Variants in TBC1D22B observed in about 807,000 individuals in gnomAD.
TBC1D22B encodes chromosome 6 open reading frame 197.
Under a neutral mutation model 69.1 loss-of-function variants are expected in TBC1D22B, and 32 were observed. The ratio of observed to expected loss-of-function variants is 0.46; its 90% CI spans 0.35 to 0.62. TBC1D22B has a LOEUF of 0.62. TBC1D22B is among the 20% of genes least tolerant of loss of function. TBC1D22B has a pLI of 0.00. For synonymous variants in TBC1D22B, 206 were observed against 229.8 expected (o/e 0.90, Z 0.94); for missense variants, 462 against 630.9 (o/e 0.73, Z 2.87).
chr6:37,323,111 C>A (rs1310085266), intron 12 of TBC1D22B, among the ~76,000 whole-genome samples: 1 of 152,096 alleles, frequency 6.6e-6, no homozygotes, highest in Non-Finnish European at 1.5e-5. Flanking sequence ...AGCAGCGAAG[C>A]CCAGAACATG....
intron 9 of TBC1D22B, among the ~76,000 whole-genome samples, chr6:37,313,583 C>T (rs1207763481): frequency 6.6e-6 from 1 of 152,092 alleles, no homozygotes; most frequent in Non-Finnish European, 1.5e-5. Flanking sequence ...GAGTAGACTG[C>T]TCCTTTCTGC....
chr6:37,290,831 A>G (rs1195514450), intron 7 of TBC1D22B, among the ~76,000 whole-genome samples: 1 of 151,886 alleles, frequency 6.6e-6, no homozygotes, highest in Non-Finnish European at 1.5e-5. Flanking sequence ...TAATGACCAA[A>G]AAAAAAAAAA....
chr6:37,262,837 C>T (rs115096687), intron 1 of TBC1D22B, among the ~76,000 whole-genome samples: 1,936 of 152,330 alleles, frequency 0.013, 19 homozygotes, highest in Non-Finnish European at 0.019. Flanking sequence ...GCTAAACAAA[C>T]ACCTGTTGAT....
At chr6:37,278,001 A>G (rs1023755800) in intron 2 of TBC1D22B, among the ~76,000 whole-genome samples, 6 of 150,772 alleles carry the variant, frequency 4.0e-5, no homozygotes, top group Admixed American at 2.0e-4. Flanking sequence ...GTGTGCGCCT[A>G]TAGTCCCAGC....
At chr6:37,279,120 C>T (rs1766748747) in intron 2 of TBC1D22B, among the ~76,000 whole-genome samples, 184 bp from the exon 3 acceptor site, 1 of 152,188 alleles carries the variant, frequency 6.6e-6, no homozygotes, top group African/African-American at 2.4e-5. Context: ...CTACATCTGT[C>T]TCTGCGATCT....
At chr6:37,324,509 C>T (rs1047481824) in intron 12 of TBC1D22B, 2 of 373,446 alleles carry the variant, frequency 5.4e-6, no homozygotes, top group African/African-American at 2.1e-5. Context: ...GAGCTGCCTG[C>T]TGGGTCCAGT....
rs563658538 is a variant in TBC1D22B, at chr6:37,297,608, A to C, written c.982+6251A>C. Among the ~76,000 whole-genome samples, 20 of 152,266 alleles carry C rather than the reference A, an allele frequency of 1.3e-4. No individual in the cohort carries two copies. The East Asian group carries it at 3.5e-3, about 26-fold the overall frequency. ...CTTCAATCCTTGTCCTTGGACTTCT[A>C]ATGGCTTCACCTATTATATTTAATG... On this transcript the variant is annotated intron_variant, in intron 8 of 12. Coordinates refer to ENST00000373491, the MANE Select transcript of TBC1D22B (RefSeq NM_017772.4).
intron 1 of TBC1D22B, among the ~76,000 whole-genome samples, chr6:37,259,475 CTG>C (rs200278030): frequency 0.012 from 1,837 of 152,254 alleles, 32 homozygotes; most frequent in Middle Eastern, 0.044. Context: ...AATAGGAAGA[CTG>C]TTGTATCAGG....
chr6:37,284,613 C>A, intron 6 of TBC1D22B, 149 bp downstream of exon 6: 1 of 937,322 alleles, frequency 1.1e-6, no homozygotes, highest in Non-Finnish European at 1.5e-6. Context: ...TGTTTCCCCT[C>A]TTTTCATTCA....
intron 2 of TBC1D22B, among the ~76,000 whole-genome samples, chr6:37,277,601 G>A (rs1766705826): frequency 6.6e-6 from 1 of 151,784 alleles, no homozygotes; most frequent in Non-Finnish European, 1.5e-5. Flanking sequence ...GAGTAGCTGG[G>A]ATTATAGGCA....
At chr6:37,299,132 A>G (rs950195599) in intron 8 of TBC1D22B, among the ~76,000 whole-genome samples, 6 of 152,140 alleles carry the variant, frequency 3.9e-5, no homozygotes, top group Non-Finnish European at 8.8e-5. Flanking sequence ...CAGATAAACC[A>G]TGGTTTGTGT....
At chr6:37,272,933 C>T (rs928652155) in intron 2 of TBC1D22B, among the ~76,000 whole-genome samples, 4 of 152,138 alleles carry the variant, frequency 2.6e-5, no homozygotes, top group African/African-American at 9.7e-5. Flanking sequence ...TTAACATTGG[C>T]TTAAACCTTT....
At position 37,293,901 on chromosome 6, in the gene TBC1D22B, C is replaced by T. The variant is rs1352207991; in HGVS notation, c.982+2544C>T. Among the ~76,000 whole-genome samples the T allele has an allele frequency of 2.0e-5, 3 of 152,186 alleles. No individual in the cohort carries two copies. The East Asian group carries it at 5.8e-4, about 29-fold the overall frequency. On this transcript the variant is annotated intron_variant, in intron 8 of 12. Transcript: ENST00000373491. ...GCCACAACATTCCCTTAATCCAGAG[C>T]TTAACCCAGAGCAAGGCCTTAATTC...
intron 12 of TBC1D22B, among the ~76,000 whole-genome samples, chr6:37,326,912 G>A (rs1421510146): frequency 6.6e-6 from 1 of 152,180 alleles, no homozygotes; most frequent in African/African-American, 2.4e-5. Context: ...GGAGATTGAT[G>A]GGGTTCACCA....
chr6:37,270,849 A>G (rs1391036425), intron 2 of TBC1D22B, among the ~76,000 whole-genome samples: 1 of 152,156 alleles, frequency 6.6e-6, no homozygotes, highest in Non-Finnish European at 1.5e-5. Context: ...TCAATAGGGA[A>G]GTAAAGATAA....
In TBC1D22B at chr6:37,257,810, A is replaced by G; in HGVS notation, c.-108A>G. The G allele has an allele frequency of 8.0e-7, 1 of 1,248,222 alleles. No homozygotes were observed. Among genetic ancestry groups the G allele is most frequent in the Admixed American group, 2.2e-5 (1 of 45,752 alleles). The allele number at this position is 1,248,222 out of a possible 1,614,324, so 77.3% of individuals were successfully genotyped here. A position where few individuals can be genotyped will look rare whatever the true frequency, so the allele number is the denominator to read the frequency against. On this transcript the variant is annotated 5_prime_UTR_variant, in exon 1 of 13. An upstream open reading frame in the 5' UTR loses its in-frame stop. Transcript: ENST00000373491. Reference sequence around the variant, plus strand: ...CGTCCCCAGGAGCTGGGAGCGGGTGACCGGCGGCGGGGAAGCGGCCTGGGT... The same window carrying G: ...CGTCCCCAGGAGCTGGGAGCGGGTGGCCGGCGGCGGGGAAGCGGCCTGGGT...
At position 37,331,578 on chromosome 6, in the gene TBC1D22B, A is replaced by G. The variant is rs1402891995; in HGVS notation, c.*406A>G. 1 of 153,348 alleles carries G rather than the reference A, an allele frequency of 6.5e-6. No individual in the cohort carries two copies. The highest frequency in any genetic ancestry group is 1.4e-5 in the Non-Finnish European group (1 of 69,114). The allele number at this position is 153,348 out of a possible 1,614,324, so 9.5% of individuals were successfully genotyped here. On this transcript the variant is annotated 3_prime_UTR_variant, in exon 13 of 13. Coordinates refer to ENST00000373491, the MANE Select transcript of TBC1D22B (RefSeq NM_017772.4). ...TGATCACAGGTCAAAAACGCCTTAT[A>G]TTTTCGAAAGACTCCTGGCCCCTCT...
intron 12 of TBC1D22B, among the ~76,000 whole-genome samples, chr6:37,328,020 ATGTT>A (rs1173088646): frequency 2.6e-5 from 4 of 152,114 alleles, no homozygotes; most frequent in African/African-American, 9.7e-5. Flanking sequence ...GACCTTTAAA[ATGTT>A]TGTGGTGGGC....
chr6:37,307,338 A>T (rs778174108), intron 8 of TBC1D22B, among the ~76,000 whole-genome samples: 56 of 148,284 alleles, frequency 3.8e-4, no homozygotes, highest in African/African-American at 1.0e-3. Context: ...GTTATGAGAA[A>T]TTTTTTTTTC....
Sources: allele counts gnomAD v4.1 joint callset (sites outside exome capture counted in the v4.1 genomes callset), GRCh38; gene constraint gnomAD v4.1.1; transcripts MANE v1.5; gene names NCBI Gene and HGNC (gene_info 2026-07-23, HGNC 2026-07-21).